ARFGEF1: variants seen among roughly 807,000 people sequenced by gnomAD.
ARFGEF1 encodes the protein ARF guanine nucleotide exchange factor 1.
In ARFGEF1, 42 loss-of-function variants were observed where a neutral mutation model predicts 231.0. The observed-to-expected ratio is 0.18, with a 90% CI of 0.14 to 0.24. The LOEUF (loss-of-function observed/expected upper bound fraction) is 0.24. Ranked by LOEUF, ARFGEF1 falls within the 10% of genes least tolerant of loss-of-function variation. ARFGEF1 has a pLI of 1.00. For missense variants in ARFGEF1, 1,345 were observed against 2,192.0 expected, an observed-to-expected ratio of 0.61 and a Z score of 7.72; for synonymous variants, 710 against 732.3, an observed-to-expected ratio of 0.97 and a Z score of 0.49.
intron 9 of ARFGEF1, 115 bp downstream of exon 9, chr8:67,275,861 T>C (rs1167578035): frequency 2.2e-6 from 3 of 1,362,938 alleles, no homozygotes; most frequent in Non-Finnish European, 3.0e-6. Context: ...TCCACCCAAT[T>C]TTTTTTTATG....
chr8:67,293,927 T>A lies in ARFGEF1; in HGVS notation c.640-1804A>T, dbSNP rs191864098. Among the ~76,000 whole-genome samples the A allele has an allele frequency of 1.2e-3, 186 of 152,268 alleles. 1 individual carries two copies. Among genetic ancestry groups the A allele is most frequent in the Non-Finnish European group, 1.9e-3 (130 of 67,990 alleles). On this transcript the variant is annotated intron_variant, in intron 5 of 38. Transcript: ENST00000262215. ...TCTTAAATCGCAGTAATGTTTTACA[T>A]ACCTAAAAAATAAATAAGTACAGTT...
chr8:67,204,914 T>C (rs1222428165), intron 34 of ARFGEF1, 95 bp from the exon 35 acceptor site: 28 of 1,445,542 alleles, frequency 1.9e-5, no homozygotes, highest in Non-Finnish European at 2.7e-5. Context: ...GAAACATCAA[T>C]ATGTATTCAC....
chr8:67,251,556 C>A, intron 18 of ARFGEF1, 106 bp from the exon 19 acceptor site: 1 of 1,137,282 alleles, frequency 8.8e-7, no homozygotes, highest in Non-Finnish European at 1.2e-6. Context: ...AAAAGTAATC[C>A]TAAGAAGCAA....
chr8:67,310,625 C>A (rs1481707983), intron 1 of ARFGEF1, among the ~76,000 whole-genome samples: 1 of 151,868 alleles, frequency 6.6e-6, no homozygotes. Flanking sequence ...CGCCTCTTCC[C>A]GGCCACCATC....
intron 7 of ARFGEF1, among the ~76,000 whole-genome samples, 154 bp from the exon 8 acceptor site, chr8:67,277,611 A>G (rs1234218621): frequency 6.6e-6 from 1 of 152,232 alleles, no homozygotes; most frequent in Non-Finnish European, 1.5e-5. Flanking sequence ...ACTTACTACT[A>G]AATAAGTATG....
chr8:67,298,861 G>C (rs2128913930), intron 4 of ARFGEF1, among the ~76,000 whole-genome samples: 1 of 152,250 alleles, frequency 6.6e-6, no homozygotes, highest in Non-Finnish European at 1.5e-5. Flanking sequence ...CGCCTCCCAG[G>C]TTCAAGTGAT....
At chr8:67,314,795 G>A (rs1807228890) in intron 1 of ARFGEF1, among the ~76,000 whole-genome samples, 3 of 152,166 alleles carry the variant, frequency 2.0e-5, no homozygotes, top group African/African-American at 7.2e-5. Flanking sequence ...CTGGCCTCCT[G>A]TCCTCCATGA....
intron 19 of ARFGEF1, among the ~76,000 whole-genome samples, chr8:67,247,722 G>C (rs1260474440): frequency 6.6e-6 from 1 of 150,388 alleles, no homozygotes; most frequent in Non-Finnish European, 1.5e-5. Context: ...GGAGGAATCA[G>C]AAAAGAGAAA....
At chr8:67,251,196 C>T (rs972601399) in intron 19 of ARFGEF1, 103 bp downstream of exon 19, 1 of 1,100,540 alleles carries the variant, frequency 9.1e-7, no homozygotes, top group Admixed American at 3.4e-5. Context: ...TATGTCTACA[C>T]TAATGTGTTA....
downstream of ARFGEF1, chr8:67,195,379 T>G: frequency 6.2e-7 from 1 of 1,611,514 alleles, no homozygotes; most frequent in Non-Finnish European, 8.5e-7. Context: ...TTGCCTCCTG[T>G]AGATGATGAG....
At chr8:67,323,288 G>C (rs986433130) in intron 1 of ARFGEF1, among the ~76,000 whole-genome samples, 1 of 151,952 alleles carries the variant, frequency 6.6e-6, no homozygotes, top group African/African-American at 2.4e-5. Flanking sequence ...AAATGAGAGA[G>C]TAAATTTACC....
chr8:67,234,044 T>C (rs889219811), intron 22 of ARFGEF1, among the ~76,000 whole-genome samples: 3 of 152,140 alleles, frequency 2.0e-5, no homozygotes, highest in African/African-American at 4.8e-5. Flanking sequence ...TCAAGTAATA[T>C]TCATTTTTGT....
At chr8:67,292,214 T>A (rs975468546) in intron 5 of ARFGEF1, 91 bp from the exon 6 acceptor site, 2 of 1,090,704 alleles carry the variant, frequency 1.8e-6, no homozygotes, top group Admixed American at 2.3e-5. Flanking sequence ...TTCTATAAGG[T>A]GCCATTCTCT....
intron 5 of ARFGEF1, among the ~76,000 whole-genome samples, chr8:67,295,748 C>G (rs767807210): frequency 6.6e-6 from 1 of 152,064 alleles, no homozygotes; most frequent in African/African-American, 2.4e-5. Context: ...GTTTAGTTAA[C>G]AGTATTGTAC....
chr8:67,187,243 A>G (rs1834933440), intron 5 of ARFGEF1, among the ~76,000 whole-genome samples: 2 of 152,228 alleles, frequency 1.3e-5, no homozygotes, highest in African/African-American at 4.8e-5. Context: ...TGGAAAGGCA[A>G]AAGATCCAGA....
In ARFGEF1 at chr8:67,222,158, T is replaced by C. The variant is rs145699351; in HGVS notation, c.4209-2598A>G. Among the ~76,000 whole-genome samples the C allele has an allele frequency of 5.6e-3, 802 of 142,458 alleles. 9 individuals are homozygous for C. Among genetic ancestry groups the C allele is most frequent in the African/African-American group, 0.02 (749 of 37,674 alleles). 93.5% of individuals were successfully genotyped at this position (142,458 alleles called of 152,430 possible). ...TATGCCATGTTTTTACTGTACCTTTTCCATGCATATATATATATATACACA... is the reference window on the plus strand; with the variant it reads ...TATGCCATGTTTTTACTGTACCTTTCCCATGCATATATATATATATACACA... On this transcript the variant is annotated intron_variant, in intron 29 of 38. Coordinates refer to ENST00000262215, the MANE Select transcript of ARFGEF1 (RefSeq NM_006421.5).
rs761394814 is a variant in ARFGEF1, at chr8:67,216,642, T to A, written c.4634A>T (p.Asn1545Ile). 1 of 1,609,026 alleles carries A rather than the reference T, an allele frequency of 6.2e-7. No individual in the cohort carries two copies. The highest frequency in any genetic ancestry group is 8.5e-7 in the Non-Finnish European group (1 of 1,178,664). ...IPHALLTWRPNSGETAPPPPS... is the reference protein window; with the variant it reads ...IPHALLTWRPISGETAPPPPS... The stretch of plus-strand genomic sequence containing the variant: ...AGGTGGGGGGGCAGTTTCTCCAGAA[T>A]TGGGTCGCCAGGTCAACAGCCTTTA... Residue 1545 changes from asparagine (N) to isoleucine (I), a missense_variant, in exon 33 of 39, where the codon AAT (asparagine) becomes ATT (isoleucine). Physicochemically the swap from Asn to Ile is moderately radical, Grantham distance 149. Transcript: ENST00000262215.
At chr8:67,252,116 A>C (rs1250589073) in intron 18 of ARFGEF1, among the ~76,000 whole-genome samples, 1 of 151,858 alleles carries the variant, frequency 6.6e-6, no homozygotes, top group Non-Finnish European at 1.5e-5. Flanking sequence ...CTAAAAATAC[A>C]AAAAAATTAG....
At position 67,226,119 on chromosome 8, in the gene ARFGEF1, C is replaced by T. The variant is rs1229442815; in HGVS notation, c.3981G>A (p.Leu1327=). ...IDSFQDAVKC[L]SEFACNAAFP... Reference sequence around the variant, plus strand: ...AAGCTGCATTGCACGCAAATTCAGACAAACACTTCACTGCATCCTGGAAAG... The same window carrying T: ...AAGCTGCATTGCACGCAAATTCAGATAAACACTTCACTGCATCCTGGAAAG... Residue 1327 remains leucine, a synonymous_variant, in exon 28 of 39, where the codon TTG becomes TTA. Coordinates refer to ENST00000262215, the MANE Select transcript of ARFGEF1 (RefSeq NM_006421.5). 1.2e-6 allele frequency: 2 copies of T among 1,613,230 alleles called. No homozygotes were observed. Among genetic ancestry groups the T allele is most frequent in the African/African-American group, 1.3e-5 (1 of 75,016 alleles).
Sources: allele counts gnomAD v4.1 joint callset (sites outside exome capture counted in the v4.1 genomes callset), GRCh38; gene constraint gnomAD v4.1.1; transcripts MANE v1.5; gene names NCBI Gene and HGNC (gene_info 2026-07-23, HGNC 2026-07-21).